CSMD3: variants seen among roughly 807,000 people sequenced by gnomAD.
The protein encoded by CSMD3 is CUB and Sushi multiple domains 3, also known as CUB and sushi domain-containing protein 3.
In CSMD3, 177 loss-of-function variants were observed where a neutral mutation model predicts 435.2. The observed-to-expected ratio is 0.41, with a 90% confidence interval of 0.36 to 0.46. CSMD3 has a LOEUF of 0.46. Ranked by LOEUF, CSMD3 falls within the 20% of genes least tolerant of loss-of-function variation. The pLI, the probability that CSMD3 is intolerant of heterozygous loss-of-function variation, is 0.34. For missense variants in CSMD3, 4,265 were observed against 4,504.6 expected, an observed-to-expected ratio of 0.95 and a Z score of 1.52; for synonymous variants, 1,656 against 1,520.5, an observed-to-expected ratio of 1.09 and a Z score of -2.07.
chr8:112,481,862 C>A (rs760899303), intron 31 of CSMD3, among the ~76,000 whole-genome samples: 23 of 152,116 alleles, frequency 1.5e-4, no homozygotes, highest in Non-Finnish European at 3.1e-4. Context: ...ACCTAACTAT[C>A]CAGCCATTCC....
intron 1 of CSMD3, among the ~76,000 whole-genome samples, chr8:113,411,514 G>C (rs1446230084): frequency 1.3e-5 from 2 of 152,052 alleles, no homozygotes; most frequent in African/African-American, 2.4e-5. Flanking sequence ...TATTCATTCT[G>C]GGTTATGATG....
At chr8:112,898,273 T>A (rs58833201) in intron 10 of CSMD3, among the ~76,000 whole-genome samples, 75,771 of 150,812 alleles carry the variant, frequency 0.5, 19,569 homozygotes, top group East Asian at 0.78. Context: ...TATGCCTGAA[T>A]AATTCAGTTT....
chr8:113,063,995 C>A (rs1244222849), intron 5 of CSMD3, among the ~76,000 whole-genome samples: 1 of 151,024 alleles, frequency 6.6e-6, no homozygotes, highest in East Asian at 1.9e-4. Flanking sequence ...TTAGGAAAAC[C>A]TTTTAGTATA....
intron 5 of CSMD3, among the ~76,000 whole-genome samples, chr8:113,046,101 G>C (rs879528678): frequency 1.3e-5 from 2 of 149,220 alleles, no homozygotes; most frequent in African/African-American, 4.8e-5. Context: ...CTATCGGGAA[G>C]TACCCTCAGC....
chr8:112,553,744 G>C (rs982911236), intron 25 of CSMD3, among the ~76,000 whole-genome samples: 2 of 151,854 alleles, frequency 1.3e-5, no homozygotes, highest in Non-Finnish European at 2.9e-5. Context: ...GACCAAAGAA[G>C]GTCAAAGCAG....
chr8:113,331,196 A>G (rs1477724427), intron 1 of CSMD3, among the ~76,000 whole-genome samples: 1 of 151,748 alleles, frequency 6.6e-6, no homozygotes, highest in Non-Finnish European at 1.5e-5. Flanking sequence ...TAGATTATTC[A>G]AATGAAATGA....
At chr8:112,232,645 G>A (rs150236291) in intron 68 of CSMD3, among the ~76,000 whole-genome samples, 115 of 152,190 alleles carry the variant, frequency 7.6e-4, no homozygotes, top group African/African-American at 2.7e-3. Flanking sequence ...GCTATGATGA[G>A]GGTTACATAT....
chr8:112,341,328 A>G, intron 42 of CSMD3, 149 bp downstream of exon 42: 1 of 616,122 alleles, frequency 1.6e-6, no homozygotes, highest in Non-Finnish European at 2.8e-6. Flanking sequence ...GCATTGTTCT[A>G]AAAATCTTCC....
chr8:112,742,404 T>C (rs988968013), intron 13 of CSMD3, among the ~76,000 whole-genome samples: 3 of 152,010 alleles, frequency 2.0e-5, no homozygotes, highest in African/African-American at 7.2e-5. Context: ...ACTATCTAGT[T>C]AGAAAATCTG....
rs60872705 is a variant in CSMD3 at position 113,236,669 on chromosome 8, T to C, written c.514+41923A>G. Among the ~76,000 whole-genome samples the C allele has an allele frequency of 7.7e-3, 1,178 of 152,206 alleles. 18 individuals are homozygous for C. The highest frequency in any genetic ancestry group is 0.027 in the African/African-American group (1,116 of 41,544). On this transcript the variant is annotated intron_variant, in intron 3 of 70. Coordinates refer to ENST00000297405, the MANE Select transcript of CSMD3 (RefSeq NM_198123.2). Reference sequence around the variant, plus strand: ...TGGCCTCAGACTGAGAATTACATCATTGGCTTCCCTGGTTCTGAGACTTTT... The same window carrying C: ...TGGCCTCAGACTGAGAATTACATCACTGGCTTCCCTGGTTCTGAGACTTTT...
At position 113,231,332 on chromosome 8, in the gene CSMD3, T is replaced by C. The variant is rs547652100; in HGVS notation, c.514+47260A>G. 1.2e-4 allele frequency among the ~76,000 whole-genome samples: 18 copies of C among 151,262 alleles called. No individual in the cohort carries two copies. The East Asian group carries it at 1.4e-3, about 11-fold the overall frequency. ...GGATATTTCCTACTAGATGAAAATGTTGGGTCATGGATATATATCTTTCTA... is the reference window on the plus strand; with the variant it reads ...GGATATTTCCTACTAGATGAAAATGCTGGGTCATGGATATATATCTTTCTA... On this transcript the variant is annotated intron_variant, in intron 3 of 70. Coordinates refer to ENST00000297405, the MANE Select transcript of CSMD3 (RefSeq NM_198123.2).
chr8:112,597,503 C>T (rs1352909040), intron 22 of CSMD3, among the ~76,000 whole-genome samples: 1 of 123,654 alleles, frequency 8.1e-6, no homozygotes, highest in African/African-American at 3.2e-5. Context: ...GGGAATCCTC[C>T]CTAACTCATT....
chr8:112,652,060 A>AATT (rs1235896310), intron 18 of CSMD3, among the ~76,000 whole-genome samples: 1 of 152,176 alleles, frequency 6.6e-6, no homozygotes, highest in Non-Finnish European at 1.5e-5. Context: ...TGTTGGACAT[A>AATT]CGTATAGCCA....
chr8:112,765,694 C>G (rs2077961085), intron 13 of CSMD3, among the ~76,000 whole-genome samples: 1 of 151,706 alleles, frequency 6.6e-6, no homozygotes, highest in Non-Finnish European at 1.5e-5. Context: ...CCCATGTCCT[C>G]AGTCTCAATT....
At chr8:112,316,431 T>C (rs78427935) in intron 47 of CSMD3, among the ~76,000 whole-genome samples, 99 of 150,922 alleles carry the variant, frequency 6.6e-4, no homozygotes, top group African/African-American at 2.4e-3. Flanking sequence ...AATATATGAG[T>C]CAAAGGCCAA....
In CSMD3 at chr8:112,666,286, G is replaced by A. The variant is rs373508546; in HGVS notation, c.2807C>T (p.Thr936Ile). The stretch of plus-strand genomic sequence containing the variant: ...AAAATATTTGTGAGACCTTTCAAAT[G>A]TAATTTTGATAGAGTGTCCAGGTTC... ...EAEPGHSIKI[T>I]FERFQTELNY... is the part of the protein sequence containing the mutation. The change falls in exon 17 of 71, where the codon ACA becomes ATA. Residue 936 changes from threonine (T) to isoleucine (I), a missense_variant. By Grantham distance (89) the Thr-to-Ile change is moderately conservative (BLOSUM62 -1). This residue lies in a region of CSMD3 where 3,255 missense variants were observed against 3,380.2 expected (regional missense o/e 0.96). Coordinates refer to ENST00000297405, the MANE Select transcript of CSMD3 (RefSeq NM_198123.2). 26 of 1,609,580 alleles carry A rather than the reference G, an allele frequency of 1.6e-5. No individual in the cohort carries two copies. The highest frequency in any genetic ancestry group is 2.1e-5 in the Non-Finnish European group (25 of 1,176,850).
At chr8:113,066,759 A>G (rs2088876985) in intron 5 of CSMD3, among the ~76,000 whole-genome samples, 1 of 152,134 alleles carries the variant, frequency 6.6e-6, no homozygotes, top group Non-Finnish European at 1.5e-5. Flanking sequence ...AAGATCTGTT[A>G]GCAAAAGTTC....
chr8:112,699,412 G>T (rs895833997), intron 13 of CSMD3, among the ~76,000 whole-genome samples: 12 of 152,044 alleles, frequency 7.9e-5, no homozygotes, highest in Admixed American at 7.9e-4. Context: ...AGAACCCACC[G>T]GAAGGAACCA....
intron 12 of CSMD3, among the ~76,000 whole-genome samples, chr8:112,813,061 T>C (rs2132396530): frequency 6.6e-6 from 1 of 152,256 alleles, no homozygotes; most frequent in East Asian, 1.9e-4. Flanking sequence ...ATTGGGCTCA[T>C]AGAGACATCT....
Sources: allele counts gnomAD v4.1 joint callset (sites outside exome capture counted in the v4.1 genomes callset), GRCh38; gene constraint gnomAD v4.1.1; regional missense constraint gnomAD v4.1.1; transcripts MANE v1.5; gene names NCBI Gene and HGNC (gene_info 2026-07-23, HGNC 2026-07-21).